Variants in GRIA2 observed in about 807,000 individuals in gnomAD.
GRIA2 encodes the protein glutamate receptor 2.
Under a neutral mutation model 97.3 loss-of-function variants are expected in GRIA2, and 14 were observed. That is an observed-to-expected ratio of 0.14 (90% CI 0.10 to 0.23). The LOEUF (loss-of-function observed/expected upper bound fraction) is 0.23. Among genes scored for constraint, GRIA2 ranks in the 10% least tolerant of loss-of-function variants. The probability of loss-of-function intolerance (pLI) is 1.00; values close to 1 mark genes in which losing one functional copy is unlikely to be tolerated. For missense variants in GRIA2, 558 were observed against 1,069.8 expected, an observed-to-expected ratio of 0.52 and a Z score of 6.67; for synonymous variants, 412 against 387.8, an observed-to-expected ratio of 1.06 and a Z score of -0.73.
At chr4:157,275,630 G>C (rs10008831) in intron 2 of GRIA2, among the ~76,000 whole-genome samples, 54,894 of 151,888 alleles carry the variant, frequency 0.36, 10,425 homozygotes, top group African/African-American at 0.47. Flanking sequence ...TAGGGAATCC[G>C]TTCCCCATTT....
intron 12 of GRIA2, among the ~76,000 whole-genome samples, chr4:157,355,995 ATATT>A (rs1409619470): frequency 9.7e-6 from 1 of 102,936 alleles, no homozygotes; most frequent in Non-Finnish European, 1.7e-5. Flanking sequence ...ATATTTATAT[ATATT>A]TATATATGTA....
chr4:157,230,544 T>G (rs1729958070), intron 2 of GRIA2, among the ~76,000 whole-genome samples: 1 of 133,800 alleles, frequency 7.5e-6, no homozygotes, highest in Non-Finnish European at 1.6e-5. Context: ...CCTTCTTTCC[T>G]TCCTTCCTTC....
At chr4:157,301,657 C>T (rs182764145) in intron 2 of GRIA2, among the ~76,000 whole-genome samples, 24 of 152,214 alleles carry the variant, frequency 1.6e-4, no homozygotes, top group African/African-American at 4.8e-4. Context: ...TAGCAATGCT[C>T]GTATTCATGA....
At chr4:157,326,865 A>T (rs777820662) in intron 6 of GRIA2, among the ~76,000 whole-genome samples, 3 of 152,126 alleles carry the variant, frequency 2.0e-5, no homozygotes, top group Non-Finnish European at 4.4e-5. Context: ...GAGAGTGCTG[A>T]TCATGGCTTT....
chr4:157,275,787 T>C lies in GRIA2; in HGVS notation c.230-27765T>C, dbSNP rs1560741932. On this transcript the variant is annotated intron_variant, in intron 2 of 15. Transcript: ENST00000264426. ...GTTACTGTAGCCTTGTAGTATAGTT[T>C]GAAGTCAGGTAGCGTGATGCCTCCA... Among the ~76,000 whole-genome samples, 6 of 152,052 alleles carry C rather than the reference T, an allele frequency of 3.9e-5. No individual in the cohort carries two copies. The South Asian group carries it at 1.2e-3, about 32-fold the overall frequency.
chr4:157,313,552 G>A (rs1734178844), intron 4 of GRIA2, among the ~76,000 whole-genome samples: 2 of 152,036 alleles, frequency 1.3e-5, no homozygotes, highest in South Asian at 4.1e-4. Flanking sequence ...GTCTTTCAGG[G>A]TAGGGGAGCC....
intron 2 of GRIA2, among the ~76,000 whole-genome samples, chr4:157,265,598 G>A (rs936537704): frequency 1.3e-5 from 2 of 152,072 alleles, no homozygotes; most frequent in African/African-American, 4.8e-5. Context: ...CATTCTATTG[G>A]CTAAGCCTCC....
chr4:157,343,811 A>T (rs1338700768), intron 12 of GRIA2, among the ~76,000 whole-genome samples: 1 of 152,150 alleles, frequency 6.6e-6, no homozygotes, highest in Non-Finnish European at 1.5e-5. Context: ...GCAATTTGGG[A>T]AATTATGTAT....
Position 157,336,542 on chromosome 4 carries a change from T to C in GRIA2, c.1639T>C (p.Trp547Arg). 6.2e-7 allele frequency: 1 copy of C among 1,613,432 alleles called. No homozygotes were observed. Residue 547 changes from tryptophan (W) to arginine (R), a missense_variant, in exon 11 of 16, where the codon TGG becomes CGG. Trp to Arg is a moderately radical substitution (Grantham distance 101, BLOSUM62 -3). Coordinates refer to ENST00000264426, the MANE Select transcript of GRIA2 (RefSeq NM_001083619.3). ...SFLDPLAYEI[W>R]MCIVFAYIGV... Reference sequence around the variant, plus strand: ...TCTTGATCCTTTAGCCTATGAGATCTGGATGTGCATTGTTTTTGCCTACAT... The same window carrying C: ...TCTTGATCCTTTAGCCTATGAGATCCGGATGTGCATTGTTTTTGCCTACAT...
intron 2 of GRIA2, among the ~76,000 whole-genome samples, chr4:157,252,627 G>A (rs1158342682): frequency 1.3e-5 from 2 of 152,038 alleles, no homozygotes; most frequent in African/African-American, 4.8e-5. Flanking sequence ...CTACCTAATT[G>A]TGAACTAATA....
chr4:157,277,657 TAATA>T (rs1732385511), intron 2 of GRIA2, among the ~76,000 whole-genome samples: 1 of 151,418 alleles, frequency 6.6e-6, no homozygotes, highest in Admixed American at 6.6e-5. Flanking sequence ...CTCCTGGAAC[TAATA>T]AATAATTATG....
At chr4:157,248,812 ATAAAT>A (rs1730890558) in intron 2 of GRIA2, among the ~76,000 whole-genome samples, 1 of 125,814 alleles carries the variant, frequency 7.9e-6, no homozygotes, top group African/African-American at 3.1e-5. Flanking sequence ...ATATATATAT[ATAAAT>A]AAAATAATTC....
chr4:157,363,454 T>A lies in GRIA2; in HGVS notation c.*23T>A. 8.0e-7 allele frequency: 1 copy of A among 1,243,748 alleles called. No individual in the cohort carries two copies. Among genetic ancestry groups the A allele is most frequent in the Non-Finnish European group, 1.0e-6 (1 of 992,924 alleles). 77.0% of individuals were successfully genotyped at this position (1,243,748 alleles called of 1,614,324 possible). On this transcript the variant is annotated 3_prime_UTR_variant, in exon 16 of 16. Transcript: ENST00000264426. ...TTTAAGATGACCTTGAATGATGCCATGAGGAACAAGGCAAGGCTGTCAATT... is the reference window on the plus strand; with the variant it reads ...TTTAAGATGACCTTGAATGATGCCAAGAGGAACAAGGCAAGGCTGTCAATT...
intron 4 of GRIA2, among the ~76,000 whole-genome samples, chr4:157,317,447 T>G (rs1246315605): frequency 6.6e-6 from 1 of 152,130 alleles, no homozygotes; most frequent in African/African-American, 2.4e-5. Context: ...AGAGAATCAT[T>G]TATTAAGCGT....
At chr4:157,360,730 G>C (rs1404725196) in intron 13 of GRIA2, 1 of 523,294 alleles carries the variant, frequency 1.9e-6, no homozygotes, top group African/African-American at 1.9e-5. Flanking sequence ...TCAAGACACT[G>C]TTATTTGTTT....
At chr4:157,253,673 T>C (rs1180435469) in intron 2 of GRIA2, among the ~76,000 whole-genome samples, 5 of 152,120 alleles carry the variant, frequency 3.3e-5, no homozygotes, top group Admixed American at 3.3e-4. Flanking sequence ...AATTATTATA[T>C]TTGGGAAAAT....
chr4:157,309,334 C>T (rs1400615434), intron 3 of GRIA2, among the ~76,000 whole-genome samples: 1 of 149,356 alleles, frequency 6.7e-6, no homozygotes, highest in African/African-American at 2.5e-5. Flanking sequence ...GTTTGAAAGT[C>T]AGAGAAATTT....
intron 13 of GRIA2, 124 bp from the exon 14 acceptor site, chr4:157,360,886 T>A: frequency 1.4e-6 from 1 of 723,784 alleles, no homozygotes; most frequent in East Asian, 2.7e-5. Flanking sequence ...GTGGCCTTTT[T>A]CCCACTTCAT....
chr4:157,247,615 G>A (rs974009776), intron 2 of GRIA2, among the ~76,000 whole-genome samples: 1 of 152,168 alleles, frequency 6.6e-6, no homozygotes, highest in African/African-American at 2.4e-5. Context: ...ACCTGGAGCA[G>A]TGGGCATGCT....
Sources: allele counts gnomAD v4.1 joint callset (sites outside exome capture counted in the v4.1 genomes callset), GRCh38; gene constraint gnomAD v4.1.1; transcripts MANE v1.5; gene names NCBI Gene and HGNC (gene_info 2026-07-23, HGNC 2026-07-21).